PCDH9: variants seen among roughly 807,000 people sequenced by gnomAD.
PCDH9 encodes the protein protocadherin-9.
A neutral mutation model predicts 70.6 loss-of-function variants in PCDH9; 24 were observed. That is an observed-to-expected ratio of 0.34 (90% CI 0.25 to 0.48). The LOEUF (loss-of-function observed/expected upper bound fraction) is 0.48, where lower values mean the gene tolerates loss of function less well. PCDH9 is among the 20% of genes least tolerant of loss of function. The pLI is 0.99. For missense variants in PCDH9, 1,281 were observed against 1,503.6 expected (o/e 0.85, Z 2.45); for synonymous variants, 562 against 558.5 (o/e 1.01, Z -0.09).
intron 2 of PCDH9, chr13:67,218,995 C>T (rs867547831): frequency 1.6e-4 from 25 of 152,068 alleles, no homozygotes; most frequent in African/African-American, 5.8e-4. Context: ...AAAAACAGAT[C>T]CCTAATGAAT....
intron 3 of PCDH9, 108 bp from the exon 4 acceptor site, chr13:66,631,519 A>T (rs2077571321): frequency 1.6e-6 from 1 of 640,972 alleles, no homozygotes; most frequent in Non-Finnish European, 2.7e-6. Context: ...ATGTAAAAGC[A>T]AAATAAACCA....
At chr13:67,152,298 G>A (rs2087683155) in intron 2 of PCDH9, among the ~76,000 whole-genome samples, 3 of 152,188 alleles carry the variant, frequency 2.0e-5, no homozygotes, top group African/African-American at 2.4e-5. Context: ...TCAAATTTAT[G>A]AAATCCACTG....
chr13:66,982,507 G>A (rs148122991), intron 2 of PCDH9, among the ~76,000 whole-genome samples: 1 of 152,228 alleles, frequency 6.6e-6, no homozygotes, highest in East Asian at 1.9e-4. Flanking sequence ...GGTTATAAAG[G>A]TAGGACTAAA....
At chr13:66,335,118 C>T (rs1208344637) in intron 4 of PCDH9, among the ~76,000 whole-genome samples, 1 of 152,052 alleles carries the variant, frequency 6.6e-6, no homozygotes, top group Non-Finnish European at 1.5e-5. Context: ...AAGTCAAAAG[C>T]ATACACTACA....
At chr13:66,988,228 A>C (rs1027460456) in intron 2 of PCDH9, among the ~76,000 whole-genome samples, 2 of 152,044 alleles carry the variant, frequency 1.3e-5, no homozygotes, top group African/African-American at 4.8e-5. Flanking sequence ...AATATTTCTT[A>C]GTTAATTGAG....
chr13:66,674,657 A>T (rs138250685), intron 3 of PCDH9, among the ~76,000 whole-genome samples: 2 of 152,098 alleles, frequency 1.3e-5, no homozygotes, highest in African/African-American at 4.8e-5. Context: ...TACAACAAAG[A>T]TAAATATTTT....
chr13:66,930,880 C>A (rs922524188), intron 2 of PCDH9, among the ~76,000 whole-genome samples: 10 of 151,976 alleles, frequency 6.6e-5, no homozygotes, highest in African/African-American at 2.4e-4. Context: ...TGACAATGAC[C>A]TCCATATAAG....
chr13:66,971,781 T>A (rs2083527192), intron 2 of PCDH9, among the ~76,000 whole-genome samples: 1 of 151,824 alleles, frequency 6.6e-6, no homozygotes, highest in Admixed American at 6.6e-5. Flanking sequence ...AAATAATATA[T>A]CTGAAAGAAC....
intron 4 of PCDH9, among the ~76,000 whole-genome samples, chr13:66,562,436 A>T (rs77733486): frequency 0.13 from 19,053 of 152,074 alleles, 1,421 homozygotes; most frequent in Middle Eastern, 0.24. Context: ...GTAATTTATT[A>T]AAAAAAAGAG....
intron 3 of PCDH9, among the ~76,000 whole-genome samples, chr13:66,701,761 G>T (rs2078650915): frequency 1.3e-5 from 2 of 152,056 alleles, no homozygotes; most frequent in South Asian, 4.1e-4. Flanking sequence ...AATATTTTGT[G>T]TGAAGTATAG....
chr13:66,379,747 G>A (rs1318290357), intron 4 of PCDH9, among the ~76,000 whole-genome samples: 2 of 152,074 alleles, frequency 1.3e-5, no homozygotes, highest in South Asian at 2.1e-4. Flanking sequence ...GTGTTTAAAC[G>A]ATAAAAAGTT....
intron 3 of PCDH9, among the ~76,000 whole-genome samples, chr13:66,732,930 C>G (rs1451695880): frequency 6.6e-6 from 1 of 152,028 alleles, no homozygotes; most frequent in Non-Finnish European, 1.5e-5. Flanking sequence ...GACATATATA[C>G]ACACAGATGT....
intron 3 of PCDH9, among the ~76,000 whole-genome samples, chr13:66,788,879 G>A (rs2080121327): frequency 6.6e-6 from 1 of 151,914 alleles, no homozygotes; most frequent in South Asian, 2.1e-4. Context: ...CTAGAGATAA[G>A]ACTTCCAGTC....
At chr13:67,029,470 AT>A (rs1488395195) in intron 2 of PCDH9, among the ~76,000 whole-genome samples, 3 of 151,874 alleles carry the variant, frequency 2.0e-5, no homozygotes, top group Non-Finnish European at 4.4e-5. Context: ...CTATGTTTTT[AT>A]TTTTCTTTCC....
At chr13:66,869,386 T>G (rs972941627) in intron 3 of PCDH9, among the ~76,000 whole-genome samples, 23 of 152,246 alleles carry the variant, frequency 1.5e-4, no homozygotes, top group Admixed American at 1.4e-3. Context: ...TTTGCAACCC[T>G]TCTAGGGAAG....
intron 4 of PCDH9, among the ~76,000 whole-genome samples, chr13:66,321,313 G>A (rs1050114954): frequency 2.6e-5 from 4 of 151,954 alleles, no homozygotes; most frequent in African/African-American, 9.7e-5. Flanking sequence ...TGTTTGCAGG[G>A]GGTGAGCAGA....
At position 66,740,577 on chromosome 13, in the gene PCDH9, A is replaced by ATTGAT. The variant is rs1451733457; in HGVS notation, c.3139-109167_3139-109166insATCAA. Among the ~76,000 whole-genome samples, 5 of 147,934 alleles carry ATTGAT rather than the reference A, an allele frequency of 3.4e-5. No homozygotes were observed. In the East Asian group the frequency reaches 1.0e-3, roughly 30 times the overall value. ...GCTGGTTTTTTGAAAGGATCACCAA[A>ATTGAT]AGTGATAGGCCGCTAGCAAGACTAA... On this transcript the variant is annotated intron_variant, in intron 3 of 4. Transcript: ENST00000377865.
chr13:66,400,556 T>C (rs973394262), intron 4 of PCDH9, among the ~76,000 whole-genome samples: 9 of 152,130 alleles, frequency 5.9e-5, no homozygotes, highest in Admixed American at 1.3e-4. Context: ...CAGTAATAAA[T>C]AGCAGGAGTG....
chr13:66,902,625 T>C (rs1465854606), intron 3 of PCDH9, among the ~76,000 whole-genome samples: 1 of 151,618 alleles, frequency 6.6e-6, no homozygotes, highest in Middle Eastern at 3.2e-3. Flanking sequence ...AGTCTATATG[T>C]TACAGCTGTA....
Sources: gnomAD v4.1 joint callset for allele counts (sites outside exome capture counted in the v4.1 genomes callset) on GRCh38, gnomAD v4.1.1 for gene constraint, MANE v1.5 for transcripts, NCBI Gene and HGNC (gene_info 2026-07-23, HGNC 2026-07-21) for gene names.